RAPGEF2: variants seen among roughly 807,000 people sequenced by gnomAD.
RAPGEF2 encodes the protein PDZ domain containing guanine nucleotide exchange factor (GEF) 1.
Under a neutral mutation model 186.7 loss-of-function variants are expected in RAPGEF2, and 54 were observed. That is an observed-to-expected ratio of 0.29 (90% CI 0.23 to 0.36). RAPGEF2 has a LOEUF of 0.36. RAPGEF2 is among the 10% of genes least tolerant of loss of function. RAPGEF2 has a pLI of 1.00. For missense variants in RAPGEF2, 1,532 were observed against 2,045.0 expected (o/e 0.75, Z 4.84); for synonymous variants, 712 against 705.9 (o/e 1.01, Z -0.14).
At chr4:159,279,180 G>T (rs539586392) in intron 7 of RAPGEF2, among the ~76,000 whole-genome samples, 1 of 152,336 alleles carries the variant, frequency 6.6e-6, no homozygotes, top group East Asian at 1.9e-4. Flanking sequence ...TCACAATAAT[G>T]TAAGAGTGCT....
chr4:159,229,758 A>T (rs1000700932), intron 4 of RAPGEF2, among the ~76,000 whole-genome samples: 29 of 152,200 alleles, frequency 1.9e-4, no homozygotes, highest in Non-Finnish European at 1.3e-4. Flanking sequence ...TCAGCAAAAA[A>T]TTTAATGAGA....
intron 7 of RAPGEF2, among the ~76,000 whole-genome samples, chr4:159,265,283 G>A (rs1561172469): frequency 6.6e-6 from 1 of 152,134 alleles, no homozygotes; most frequent in Non-Finnish European, 1.5e-5. Context: ...GACAGTAACT[G>A]CTTAAATACT....
chr4:159,288,957 C>G (rs1027527182), intron 7 of RAPGEF2, among the ~76,000 whole-genome samples: 1 of 152,170 alleles, frequency 6.6e-6, no homozygotes, highest in African/African-American at 2.4e-5. Context: ...TCAGATCACC[C>G]AGTCTTAAAT....
chr4:159,355,728 G>C (rs1452381256), intron 28 of RAPGEF2, 125 bp from the exon 29 acceptor site: 2 of 916,932 alleles, frequency 2.2e-6, no homozygotes, highest in South Asian at 3.5e-5. Context: ...ACCTCTAACC[G>C]ATACCATGCA....
At chr4:159,104,489 CGAGA>C (rs553251268) in intron 1 of RAPGEF2, among the ~76,000 whole-genome samples, 2,038 of 88,786 alleles carry the variant, frequency 0.023, 56 homozygotes, top group African/African-American at 0.067. Context: ...GTTGCCCAGC[CGAGA>C]GAGAGAGAGA....
intron 1 of RAPGEF2, among the ~76,000 whole-genome samples, chr4:159,150,270 C>T (rs1743397933): frequency 6.6e-6 from 1 of 152,106 alleles, no homozygotes. Flanking sequence ...TAAGTTCCTG[C>T]AAACTTCTGG....
intron 25 of RAPGEF2, among the ~76,000 whole-genome samples, 162 bp downstream of exon 25, chr4:159,347,160 C>G (rs929324780): frequency 5.3e-5 from 8 of 152,318 alleles, no homozygotes; most frequent in Middle Eastern, 6.8e-3. Context: ...TTAAACCTGA[C>G]TTTGCCAATG....
At position 159,343,421 on chromosome 4, in the gene RAPGEF2, C is replaced by T. The variant is rs1415647189; in HGVS notation, c.3254+17C>T. Reference sequence around the variant, plus strand: ...CAGGACTCGGTGAGTATGTCATCTTCAGTGGCACGTGTGAGAGTAGAGAAG... The same window carrying T: ...CAGGACTCGGTGAGTATGTCATCTTTAGTGGCACGTGTGAGAGTAGAGAAG... On this transcript the variant is annotated intron_variant, in intron 22 of 29. Transcript: ENST00000691494. The T allele has an allele frequency of 6.2e-7, 1 of 1,612,688 alleles. No individual in the cohort carries two copies. The highest frequency in any genetic ancestry group is 1.3e-5 in the African/African-American group (1 of 74,866).
rs1462014673 is a variant in RAPGEF2 at position 159,325,848 on chromosome 4, A to G, written c.1149+2231A>G. Among the ~76,000 whole-genome samples, 6 of 152,200 alleles carry G rather than the reference A, an allele frequency of 3.9e-5. No homozygotes were observed. In the East Asian group the frequency reaches 7.7e-4, roughly 19 times the overall value. On this transcript the variant is annotated intron_variant, in intron 11 of 29. Transcript: ENST00000691494. Reference sequence around the variant, plus strand: ...AGTAGGGGTTATGTTAGGGAAGAGAATCTAATTTATTTACAAAGTGAGGGA... The same window carrying G: ...AGTAGGGGTTATGTTAGGGAAGAGAGTCTAATTTATTTACAAAGTGAGGGA...
intron 17 of RAPGEF2, 186 bp downstream of exon 17, chr4:159,332,883 C>A: frequency 1.9e-6 from 1 of 530,658 alleles, no homozygotes; most frequent in Non-Finnish European, 3.1e-6. Flanking sequence ...TATTTGGCTA[C>A]TCCCAATCTT....
chr4:159,343,290 C>G lies in RAPGEF2; in HGVS notation c.3140C>G (p.Ser1047Ter). 1 of 1,614,002 alleles carries G rather than the reference C, an allele frequency of 6.2e-7. No homozygotes were observed. The highest frequency in any genetic ancestry group is 8.5e-7 in the Non-Finnish European group (1 of 1,179,948). ...CCTCTGTCAATTTCAGGAAATGACT[C>G]AAAAGTAGACGGGCTGGTCAATTTT... ...DLTFLHEGND[S>*]KVDGLVNFEK... The change falls in exon 22 of 30, where the codon TCA becomes TGA. Residue 1047 changes from serine (S) to a stop codon, truncating the protein, a stop_gained. Coordinates refer to ENST00000691494, the MANE Select transcript of RAPGEF2 (RefSeq NM_001394067.2). LOFTEE classifies it high-confidence loss of function.
intron 7 of RAPGEF2, among the ~76,000 whole-genome samples, chr4:159,262,401 TG>T (rs559622274): frequency 6.6e-6 from 1 of 152,076 alleles, no homozygotes; most frequent in Admixed American, 6.6e-5. Context: ...GAAATATTAG[TG>T]GGGGGGCCTT....
intron 11 of RAPGEF2, among the ~76,000 whole-genome samples, chr4:159,323,913 T>G (rs539410572): frequency 6.6e-5 from 10 of 151,272 alleles, no homozygotes; most frequent in Admixed American, 3.3e-4. Flanking sequence ...GGGCTTTTTT[T>G]TTTTTGAGAC....
At chr4:159,244,551 G>A (rs576869971) in intron 7 of RAPGEF2, among the ~76,000 whole-genome samples, 5 of 151,850 alleles carry the variant, frequency 3.3e-5, no homozygotes, top group South Asian at 2.1e-4. Flanking sequence ...GGGGTTATCC[G>A]GGAATTTTGA....
chr4:159,311,087 G>C (rs1026418939), intron 8 of RAPGEF2, among the ~76,000 whole-genome samples: 1 of 152,028 alleles, frequency 6.6e-6, no homozygotes, highest in Non-Finnish European at 1.5e-5. Context: ...CACAGTTACT[G>C]TGTTTTGTTT....
chr4:159,154,958 A>G (rs1299885582), intron 1 of RAPGEF2, among the ~76,000 whole-genome samples: 1 of 152,216 alleles, frequency 6.6e-6, no homozygotes, highest in African/African-American at 2.4e-5. Context: ...TATTATAAGT[A>G]TATAGTATGA....
intron 3 of RAPGEF2, among the ~76,000 whole-genome samples, chr4:159,196,094 A>G (rs889353495): frequency 1.3e-5 from 2 of 152,078 alleles, no homozygotes; most frequent in African/African-American, 2.4e-5. Context: ...ATATTCCACA[A>G]ATTATGATTT....
intron 7 of RAPGEF2, among the ~76,000 whole-genome samples, chr4:159,293,202 A>G (rs941942286): frequency 6.6e-6 from 1 of 152,222 alleles, no homozygotes; most frequent in East Asian, 1.9e-4. Flanking sequence ...GCATAAAAAA[A>G]TGAAAACAAT....
At chr4:159,277,988 C>T (rs1759156117) in intron 7 of RAPGEF2, among the ~76,000 whole-genome samples, 1 of 152,134 alleles carries the variant, frequency 6.6e-6, no homozygotes, top group South Asian at 2.1e-4. Flanking sequence ...GTTGCCATTG[C>T]TTTTGGTGTT....
Sources: gnomAD v4.1 joint callset for allele counts (sites outside exome capture counted in the v4.1 genomes callset) on GRCh38, gnomAD v4.1.1 for gene constraint, MANE v1.5 for transcripts, NCBI Gene and HGNC (gene_info 2026-07-23, HGNC 2026-07-21) for gene names.